The following SLC25A48 variants were observed in gnomAD, a reference collection of about 807,000 sequenced individuals.
The protein encoded by SLC25A48 is solute carrier family 25 member 48.
In SLC25A48, 29 loss-of-function variants were observed where a neutral mutation model predicts 32.2. The ratio of observed to expected loss-of-function variants is 0.90; its 90% CI spans 0.67 to 1.23. The LOEUF (loss-of-function observed/expected upper bound fraction) is 1.23, where lower values mean the gene tolerates loss of function less well. SLC25A48 is among the 50% of genes most tolerant of loss of function. The pLI, the probability that SLC25A48 is intolerant of heterozygous loss-of-function variation, is 0.00. For missense variants in SLC25A48, 399 were observed against 422.7 expected (o/e 0.94, Z 0.49); for synonymous variants, 164 against 172.3 (o/e 0.95, Z 0.38).
intron 3 of SLC25A48, among the ~76,000 whole-genome samples, chr5:135,720,227 T>A (rs1014112002): frequency 6.6e-6 from 1 of 152,214 alleles, no homozygotes; most frequent in Non-Finnish European, 1.5e-5. Flanking sequence ...CATTCTTGGG[T>A]CCAGGGCAGC....
chr5:135,746,069 A>C (rs902459465), intron 3 of SLC25A48, among the ~76,000 whole-genome samples: 3 of 151,880 alleles, frequency 2.0e-5, no homozygotes, highest in African/African-American at 7.3e-5. Flanking sequence ...CACTCATTTC[A>C]AGCTCCGCCC....
chr5:135,789,149 C>A (rs1167405080), intron 3 of SLC25A48, among the ~76,000 whole-genome samples: 4 of 33,090 alleles, frequency 1.2e-4, no homozygotes, highest in Admixed American at 3.2e-4. Context: ...TTCGTAATAT[C>A]CAGGGTGGGG....
chr5:135,801,805 A>G (rs957212513), intron 3 of SLC25A48, among the ~76,000 whole-genome samples: 1 of 151,774 alleles, frequency 6.6e-6, no homozygotes, highest in Non-Finnish European at 1.5e-5. Context: ...ATTAGTCCCA[A>G]TACTGCAGAG....
At chr5:135,713,909 A>C (rs1165198922) in intron 3 of SLC25A48, among the ~76,000 whole-genome samples, 1 of 152,170 alleles carries the variant, frequency 6.6e-6, no homozygotes, top group Non-Finnish European at 1.5e-5. Context: ...GTCGTGTGGG[A>C]AACCATGCAG....
chr5:135,846,823 A>T (rs937421383), intron 2 of SLC25A48, among the ~76,000 whole-genome samples: 2 of 152,200 alleles, frequency 1.3e-5, no homozygotes, highest in African/African-American at 4.8e-5. Context: ...AAAAGTACAG[A>T]ATCAAAATTA....
intron 3 of SLC25A48, among the ~76,000 whole-genome samples, chr5:135,804,280 A>G (rs898542555): frequency 1.3e-5 from 2 of 151,716 alleles, no homozygotes; most frequent in African/African-American, 4.8e-5. Flanking sequence ...TCTCCCTAAG[A>G]TATTACAAAT....
At chr5:135,667,647 G>A (rs2106822) in intron 3 of SLC25A48, among the ~76,000 whole-genome samples, 109,375 of 151,756 alleles carry the variant, frequency 0.72, 39,911 homozygotes, top group Middle Eastern at 0.81. Context: ...TAAGACTCCA[G>A]TGAATACCTT....
intron 3 of SLC25A48, among the ~76,000 whole-genome samples, chr5:135,680,530 T>C (rs1474136326): frequency 6.6e-6 from 1 of 152,176 alleles, no homozygotes; most frequent in African/African-American, 2.4e-5. Context: ...GAAAAAGTGG[T>C]TTAATGGACT....
intron 4 of SLC25A48, among the ~76,000 whole-genome samples, chr5:135,862,454 C>T (rs1346217962): frequency 6.6e-6 from 1 of 152,230 alleles, no homozygotes; most frequent in African/African-American, 2.4e-5. Context: ...TTTGAATTCA[C>T]TGTGAACTGT....
At chr5:135,610,137 G>A (rs768572959) in intron 1 of SLC25A48, among the ~76,000 whole-genome samples, 4 of 152,182 alleles carry the variant, frequency 2.6e-5, no homozygotes, top group Non-Finnish European at 5.9e-5. Context: ...CCTGGGGCCA[G>A]CTCCAGCATG....
chr5:135,879,416 G>A (rs533877462), intron 6 of SLC25A48, among the ~76,000 whole-genome samples: 27 of 152,100 alleles, frequency 1.8e-4, no homozygotes, highest in African/African-American at 6.0e-4. Context: ...TTTGCCATTG[G>A]CCCAAGTGAC....
Position 135,688,125 on chromosome 5 carries a change from C to T in SLC25A48, c.-521+53169C>T, listed in dbSNP as rs183865484. ...GTACCTCACACAAGTGCAATCATAC[C>T]GTATTTGTCTTTTTGTGAATGGCTT... On this transcript the variant is annotated intron_variant, in intron 3 of 10. Coordinates refer to the SLC25A48 transcript ENST00000646290. Among the ~76,000 whole-genome samples the T allele has an allele frequency of 1.7e-4, 19 of 110,998 alleles. No homozygotes were observed. In the East Asian group the frequency reaches 2.4e-3, roughly 14 times the overall value. The allele number at this position is 110,998 out of a possible 152,430, so 72.8% of individuals were successfully genotyped here.
At chr5:135,619,186 C>CT (rs1316669089) in intron 1 of SLC25A48, among the ~76,000 whole-genome samples, 1 of 151,878 alleles carries the variant, frequency 6.6e-6, no homozygotes, top group African/African-American at 2.4e-5. Context: ...GTTCCTCATT[C>CT]TTTTAAAATT....
intron 1 of SLC25A48, among the ~76,000 whole-genome samples, chr5:135,613,220 T>C (rs1006725437): frequency 1.3e-5 from 2 of 152,200 alleles, no homozygotes; most frequent in Admixed American, 6.5e-5. Context: ...TTGTATTTTT[T>C]TGAGAAACGT....
At chr5:135,623,786 C>T (rs1996255) in intron 1 of SLC25A48, among the ~76,000 whole-genome samples, 61,620 of 152,068 alleles carry the variant, frequency 0.41, 12,874 homozygotes, top group African/African-American at 0.52. Flanking sequence ...ATTTAGCTAT[C>T]ACTCAACAGT....
chr5:135,845,827 T>C (rs1580973668), intron 2 of SLC25A48, among the ~76,000 whole-genome samples: 2 of 152,332 alleles, frequency 1.3e-5, no homozygotes, highest in African/African-American at 4.8e-5. Context: ...TACAAGGGCC[T>C]GTGCTGCTGA....
intron 3 of SLC25A48, among the ~76,000 whole-genome samples, chr5:135,798,999 T>C (rs1047223282): frequency 6.6e-6 from 1 of 151,332 alleles, no homozygotes; most frequent in South Asian, 2.1e-4. Context: ...TCGCAGAGGG[T>C]GTACACTTCG....
chr5:135,818,360 C>T (rs1757791535), intron 4 of SLC25A48, among the ~76,000 whole-genome samples: 1 of 152,130 alleles, frequency 6.6e-6, no homozygotes, highest in Non-Finnish European at 1.5e-5. Flanking sequence ...AGCCTAACTC[C>T]TGAGTTATGC....
chr5:135,731,511 A>G (rs1461970132), intron 3 of SLC25A48, among the ~76,000 whole-genome samples: 3 of 152,194 alleles, frequency 2.0e-5, no homozygotes, highest in African/African-American at 7.2e-5. Context: ...TTCAAGCGGT[A>G]TTAGGGGTGA....
Sources: allele counts gnomAD v4.1 joint callset (sites outside exome capture counted in the v4.1 genomes callset), GRCh38; gene constraint gnomAD v4.1.1; transcripts MANE v1.5; gene names NCBI Gene and HGNC (gene_info 2026-07-23, HGNC 2026-07-21).